The following MYEF2 variants were observed in gnomAD, a reference collection of about 807,000 sequenced individuals.
MYEF2 encodes myelin expression factor 2, also known as myelin gene expression factor 2.
A neutral mutation model predicts 75.2 loss-of-function variants in MYEF2; 37 were observed. The ratio of observed to expected loss-of-function variants is 0.49; its 90% CI spans 0.38 to 0.65. The LOEUF is 0.65. Ranked by LOEUF, MYEF2 falls within the 30% of genes least tolerant of loss-of-function variation. The pLI is 0.00. For synonymous variants in MYEF2, 195 were observed against 241.6 expected (o/e 0.81, Z 1.79); for missense variants, 634 against 771.4 (o/e 0.82, Z 2.11).
At position 48,168,841 on chromosome 15, in the gene MYEF2, T is replaced by C. The variant is rs1567272122; in HGVS notation, c.162-2A>G. ...TCTTTTGCTGATTCATCATTCTCCC[T>C]GTGAATTAAAAAAAGTCAAACAAAC... On this transcript the variant is annotated splice_acceptor_variant, in intron 1 of 16. Coordinates refer to ENST00000324324, the MANE Select transcript of MYEF2 (RefSeq NM_016132.5). LOFTEE classifies it high-confidence loss of function. The C allele has an allele frequency of 6.2e-7, 1 of 1,605,818 alleles. No homozygotes were observed. Among genetic ancestry groups the C allele is most frequent in the Non-Finnish European group, 8.5e-7 (1 of 1,175,326 alleles).
Position 48,166,034 on chromosome 15 carries a change from G to A in MYEF2, c.432-8C>T. 6.3e-7 allele frequency: 1 copy of A among 1,576,738 alleles called. No homozygotes were observed. The highest frequency in any genetic ancestry group is 8.6e-7 in the Non-Finnish European group (1 of 1,160,596). Reference sequence around the variant, plus strand: ...TCTTTGAATTCAACCACACTTAATAGGGAAAAAATTTATAGGAAATGTTTA... The same window carrying A: ...TCTTTGAATTCAACCACACTTAATAAGGAAAAAATTTATAGGAAATGTTTA... On this transcript the variant is annotated splice_polypyrimidine_tract_variant and splice_region_variant and intron_variant, in intron 4 of 16. Transcript: ENST00000324324.
intron 1 of MYEF2, among the ~76,000 whole-genome samples, chr15:48,172,431 C>T (rs1166421042): frequency 6.8e-6 from 1 of 146,490 alleles, no homozygotes; most frequent in Non-Finnish European, 1.5e-5. Context: ...AGATCTCCAA[C>T]AACCTAACTT....
intron 5 of MYEF2, among the ~76,000 whole-genome samples, chr15:48,163,431 C>G (rs559181473): frequency 1.3e-5 from 2 of 152,242 alleles, no homozygotes; most frequent in Admixed American, 1.3e-4. Flanking sequence ...AAGTTTGAAG[C>G]TGGTTCATGA....
Position 48,136,601 on chromosome 15 carries a change from A to G in MYEF2, c.*6307T>C. 7.7e-7 allele frequency: 1 copy of G among 1,292,184 alleles called. No homozygotes were observed. Among genetic ancestry groups the G allele is most frequent in the East Asian group, 2.3e-5 (1 of 42,772 alleles). The allele number at this position is 1,292,184 out of a possible 1,614,324, so 80.0% of individuals were successfully genotyped here. On this transcript the variant is annotated 3_prime_UTR_variant, in exon 17 of 17. Transcript: ENST00000324324. ...CTATGGCTACTTTTGTTAGAAAATC[A>G]TTCAATAGATACTGCCCAAAAGCTA...
chr15:48,158,336 T>TTA lies in MYEF2; in HGVS notation c.872-113_872-112insTA, dbSNP rs2039786500. ...ACTCTCTGATATTTTAATTAACATC[T>TTA]TTAATACTTATTGATATTAGCCACT... On this transcript the variant is annotated intron_variant, in intron 7 of 16. Transcript: ENST00000324324. The TTA allele has an allele frequency of 3.2e-6, 3 of 937,288 alleles. No individual in the cohort carries two copies. In the Admixed American group the frequency reaches 7.4e-5, roughly 23 times the overall value. The allele number at this position is 937,288 out of a possible 1,614,324, so 58.1% of individuals were successfully genotyped here. A position where few individuals can be genotyped will look rare whatever the true frequency, so the allele number is the denominator to read the frequency against.
chr15:48,135,324 G>A lies in MYEF2; in HGVS notation c.*7584C>T, dbSNP rs2038870085. 5.3e-6 allele frequency: 1 copy of A among 186,986 alleles called. No homozygotes were observed. Among genetic ancestry groups the A allele is most frequent in the Admixed American group, 5.6e-5 (1 of 18,014 alleles). The allele number at this position is 186,986 out of a possible 1,614,324, so 11.6% of individuals were successfully genotyped here. On this transcript the variant is annotated 3_prime_UTR_variant, in exon 17 of 17. Transcript: ENST00000324324. ...TGACTTTTTCTTCTGCTGGGTTACT[G>A]CTCACCTTGCCTTGGTTAGAAGTGT...
chr15:48,156,336 AC>A (rs1403710220), intron 9 of MYEF2, among the ~76,000 whole-genome samples: 1 of 152,152 alleles, frequency 6.6e-6, no homozygotes, highest in Non-Finnish European at 1.5e-5. Context: ...CTCTATTAAA[AC>A]CGACAAATTT....
Position 48,135,788 on chromosome 15 carries a change from T to G in MYEF2, c.*7120A>C, listed in dbSNP as rs2038882823. 6.6e-6 allele frequency: 1 copy of G among 152,050 alleles called. No individual in the cohort carries two copies. The highest frequency in any genetic ancestry group is 6.6e-5 in the Admixed American group (1 of 15,236). The allele number at this position is 152,050 out of a possible 1,614,324, so 9.4% of individuals were successfully genotyped here. ...GGCGTAATACCTGCTATCAAGAAAC[T>G]TAAAACCTAGCCAGAAGCATAATTT... On this transcript the variant is annotated 3_prime_UTR_variant, in exon 17 of 17. Transcript: ENST00000324324.
Position 48,151,925 on chromosome 15 carries a change from G to A in MYEF2, c.1156C>T (p.Leu386=). The change falls in exon 12 of 17, where the codon CTG becomes TTG. Residue 386 remains leucine, a synonymous_variant. Transcript: ENST00000324324. ...CCTCCCATGCTATTCATTGCTTCCA[G>A]ACCACCAAACCCTATTCCTATGGAA... ...RIGGGIGFGG[L]EAMNSMGGFG... is the part of the protein sequence containing the mutation. 6.2e-7 allele frequency: 1 copy of A among 1,613,444 alleles called. No individual in the cohort carries two copies. The highest frequency in any genetic ancestry group is 8.5e-7 in the Non-Finnish European group (1 of 1,179,550).
In MYEF2 at chr15:48,176,407, C is replaced by A. The variant is rs557135995; in HGVS notation, c.161+1670G>T. ...GAATTATAAGCAATATGGAAATAATCTGTATTTACTAGTAATATTTCTTCA... is the reference window on the plus strand; with the variant it reads ...GAATTATAAGCAATATGGAAATAATATGTATTTACTAGTAATATTTCTTCA... On this transcript the variant is annotated intron_variant, in intron 1 of 16. Coordinates refer to ENST00000324324, the MANE Select transcript of MYEF2 (RefSeq NM_016132.5). Among the ~76,000 whole-genome samples, 280 of 152,188 alleles carry A rather than the reference C, an allele frequency of 1.8e-3. No homozygotes were observed. The South Asian group carries it at 0.02, about 11-fold the overall frequency.
chr15:48,173,786 T>G (rs989608981), intron 1 of MYEF2, among the ~76,000 whole-genome samples: 11 of 151,928 alleles, frequency 7.2e-5, no homozygotes, highest in Admixed American at 1.3e-4. Context: ...GAAATAAATT[T>G]AACCAAGAAA....
In MYEF2 at chr15:48,135,355, G is replaced by A. The variant is rs1350315538; in HGVS notation, c.*7553C>T. ...CTTGCCTTGGTTAGAAGTGTTCATG[G>A]CCACAAAAGACTGGAGAAGGATGGT... is the stretch of plus-strand genomic sequence containing the variant. On this transcript the variant is annotated 3_prime_UTR_variant, in exon 17 of 17. Coordinates refer to ENST00000324324, the MANE Select transcript of MYEF2 (RefSeq NM_016132.5). 1 of 160,818 alleles carries A rather than the reference G, an allele frequency of 6.2e-6. No individual in the cohort carries two copies. Among genetic ancestry groups the A allele is most frequent in the African/African-American group, 2.4e-5 (1 of 41,692 alleles). 10.0% of individuals were successfully genotyped at this position (160,818 alleles called of 1,614,324 possible).
chr15:48,166,298 T>C (rs2140914332), intron 3 of MYEF2, among the ~76,000 whole-genome samples, 170 bp from the exon 4 acceptor site: 1 of 151,992 alleles, frequency 6.6e-6, no homozygotes, highest in Non-Finnish European at 1.5e-5. Context: ...CCACAAATTT[T>C]CTCTAAATTT....
intron 9 of MYEF2, chr15:48,157,110 GAGA>G (rs2039727488): frequency 6.6e-6 from 1 of 152,016 alleles, no homozygotes; most frequent in Non-Finnish European, 1.5e-5. Flanking sequence ...TTAAAAACCA[GAGA>G]AGATGCAGTG....
In MYEF2 at chr15:48,168,679, G is replaced by A; in HGVS notation, c.322C>T (p.Pro108Ser). 1 of 1,613,714 alleles carries A rather than the reference G, an allele frequency of 6.2e-7. No homozygotes were observed. The highest frequency in any genetic ancestry group is 8.5e-7 in the Non-Finnish European group (1 of 1,179,812). ...ATAGCTTGCCATTTCATGTCATATG[G>A]GATGTTGCTAATGAAAACTCTGTTA... ...NRNRVFISNI[P>S]YDMKWQAIKD... Residue 108 changes from proline to serine, a missense_variant, in exon 2 of 17, where the codon CCA (proline) becomes TCA (serine). Transcript: ENST00000324324.
Position 48,165,998 on chromosome 15 carries a change from C to A in MYEF2, c.460G>T (p.Val154Leu). ...TTCATAGTTTCTAGGGCTTTCTTTA[C>A]AAATTCTTCATCTTTGAATTCAACC... ...GVVEFKDEEFVKKALETMNKY... is the reference protein window; with the variant it reads ...GVVEFKDEEFLKKALETMNKY... The change falls in exon 5 of 17, where the codon GTA (valine) becomes TTA (leucine). Residue 154 changes from valine (V) to leucine (L), a missense_variant. Val to Leu is a conservative substitution (Grantham distance 32, BLOSUM62 1). Transcript: ENST00000324324. The A allele has an allele frequency of 1.3e-6, 2 of 1,598,072 alleles. No homozygotes were observed. Among genetic ancestry groups the A allele is most frequent in the East Asian group, 2.2e-5 (1 of 44,534 alleles).
chr15:48,146,942 AAAT>A (rs2039305784), intron 16 of MYEF2, among the ~76,000 whole-genome samples: 1 of 151,970 alleles, frequency 6.6e-6, no homozygotes, highest in South Asian at 2.1e-4. Context: ...TCAAGGTTAA[AAAT>A]AAGGGAGATA....
chr15:48,135,828 C>T lies in MYEF2; in HGVS notation c.*7080G>A, dbSNP rs1270989349. 6.6e-6 allele frequency: 1 copy of T among 152,128 alleles called. No homozygotes were observed. The highest frequency in any genetic ancestry group is 1.5e-5 in the Non-Finnish European group (1 of 68,012). The allele number at this position is 152,128 out of a possible 1,614,324, so 9.4% of individuals were successfully genotyped here. ...AAGCATAATTTCTAAACTAATCATC[C>T]TGTCCTCTAGTCCGTCTCCCTAAGA... On this transcript the variant is annotated 3_prime_UTR_variant, in exon 17 of 17. Transcript: ENST00000324324.
At chr15:48,171,779 T>C (rs1407045627) in intron 1 of MYEF2, among the ~76,000 whole-genome samples, 3 of 152,152 alleles carry the variant, frequency 2.0e-5, no homozygotes, top group African/African-American at 7.2e-5. Flanking sequence ...TGATGCTACA[T>C]AATTCCAAAA....
Sources: allele counts gnomAD v4.1 joint callset (sites outside exome capture counted in the v4.1 genomes callset), GRCh38; gene constraint gnomAD v4.1.1; transcripts MANE v1.5; gene names NCBI Gene and HGNC (gene_info 2026-07-23, HGNC 2026-07-21).